Variants in NFAT5 observed in about 807,000 individuals in gnomAD.
NFAT5 encodes nuclear factor of activated T cells 5, also known as nuclear factor of activated T-cells 5.
Under a neutral mutation model 166.5 loss-of-function variants are expected in NFAT5, and 31 were observed. That is an observed-to-expected ratio of 0.19 (90% CI 0.14 to 0.25). The LOEUF (loss-of-function observed/expected upper bound fraction) is 0.25, where lower values mean the gene tolerates loss of function less well. NFAT5 is among the 10% of genes least tolerant of loss of function. The probability of loss-of-function intolerance (pLI) is 1.00; values close to 1 mark genes in which losing one functional copy is unlikely to be tolerated. For synonymous variants in NFAT5, 612 were observed against 639.7 expected (o/e 0.96, Z 0.65); for missense variants, 1,449 against 1,821.8 (o/e 0.80, Z 3.72).
At chr16:69,638,957 C>T (rs1411763667) in intron 3 of NFAT5, among the ~76,000 whole-genome samples, 1 of 152,052 alleles carries the variant, frequency 6.6e-6, no homozygotes, top group Non-Finnish European at 1.5e-5. Flanking sequence ...CTCTGTCTCT[C>T]TCTCTTTTTA....
chr16:69,655,048 C>T (rs892077235), intron 5 of NFAT5, among the ~76,000 whole-genome samples: 2 of 152,072 alleles, frequency 1.3e-5, no homozygotes, highest in East Asian at 1.9e-4. Flanking sequence ...CATAGATCCC[C>T]GTTTGAACTA....
chr16:69,586,109 TTGTG>T (rs1321995062), intron 2 of NFAT5, among the ~76,000 whole-genome samples: 2 of 152,164 alleles, frequency 1.3e-5, no homozygotes, highest in Non-Finnish European at 2.9e-5. Context: ...TGAGACATAA[TTGTG>T]TGGTATGTGG....
chr16:69,650,946 C>G (rs1243473897), intron 4 of NFAT5, among the ~76,000 whole-genome samples: 1 of 152,084 alleles, frequency 6.6e-6, no homozygotes, highest in Non-Finnish European at 1.5e-5. Flanking sequence ...GAATCTGTAC[C>G]CAGAATGATG....
At chr16:69,651,524 A>C (rs1244407926) in intron 4 of NFAT5, among the ~76,000 whole-genome samples, 2 of 152,152 alleles carry the variant, frequency 1.3e-5, no homozygotes, top group Non-Finnish European at 2.9e-5. Context: ...TTGAAGTCGT[A>C]ATATTCCTAC....
intron 3 of NFAT5, among the ~76,000 whole-genome samples, chr16:69,643,420 G>A (rs767741525): frequency 1.3e-5 from 2 of 150,010 alleles, no homozygotes; most frequent in Non-Finnish European, 3.0e-5. Context: ...ATTATTTTAT[G>A]TATTTATATT....
At chr16:69,645,229 A>G (rs138804741) in intron 3 of NFAT5, among the ~76,000 whole-genome samples, 1 of 152,356 alleles carries the variant, frequency 6.6e-6, no homozygotes, top group African/African-American at 2.4e-5. Flanking sequence ...ATTTACTAAG[A>G]AAACATTGCA....
At chr16:69,663,503 G>C (rs538273648) in intron 7 of NFAT5, among the ~76,000 whole-genome samples, 24 of 150,334 alleles carry the variant, frequency 1.6e-4, no homozygotes, top group Non-Finnish European at 3.4e-4. Flanking sequence ...GGGAGGCTGA[G>C]GAAGGAGAAT....
At chr16:69,659,178 A>G (rs1200327844) in intron 6 of NFAT5, among the ~76,000 whole-genome samples, 5 of 150,280 alleles carry the variant, frequency 3.3e-5, no homozygotes, top group African/African-American at 1.2e-4. Context: ...ATGGTTGCTC[A>G]TGCCTGTAAT....
chr16:69,596,301 T>C (rs2032785211), intron 2 of NFAT5, among the ~76,000 whole-genome samples: 1 of 152,220 alleles, frequency 6.6e-6, no homozygotes, highest in African/African-American at 2.4e-5. Flanking sequence ...GTATATTTAT[T>C]TCATTTAATG....
chr16:69,617,185 G>A (rs1180723092), intron 2 of NFAT5, among the ~76,000 whole-genome samples: 4 of 151,864 alleles, frequency 2.6e-5, no homozygotes, highest in Non-Finnish European at 4.4e-5. Context: ...CTTGTGATCC[G>A]CCCGCCTCGG....
At chr16:69,657,946 G>A (rs1295511756) in intron 6 of NFAT5, among the ~76,000 whole-genome samples, 2 of 150,292 alleles carry the variant, frequency 1.3e-5, no homozygotes, top group African/African-American at 2.4e-5. Flanking sequence ...TTAGCCAGGC[G>A]TGGTGGCGGG....
rs547516352 is a variant in NFAT5 at position 69,700,019 on chromosome 16, A to G, written c.*3668A>G. The G allele has an allele frequency of 4.6e-5, 7 of 152,298 alleles. No individual in the cohort carries two copies. Among genetic ancestry groups the G allele is most frequent in the African/African-American group, 1.7e-4 (7 of 41,558 alleles). 9.4% of individuals were successfully genotyped at this position (152,298 alleles called of 1,614,324 possible). The stretch of plus-strand genomic sequence containing the variant: ...CCAATGCAAATCTGTTTTAAAACAA[A>G]TAGTTTAAAAAAAGAACAAGTTTTT... On this transcript the variant is annotated 3_prime_UTR_variant, in exon 15 of 15. Coordinates refer to ENST00000349945, the MANE Select transcript of NFAT5 (RefSeq NM_138713.4).
At position 69,600,517 on chromosome 16, in the gene NFAT5, A is replaced by G. The variant is rs542143839; in HGVS notation, c.128-25886A>G. Reference sequence around the variant, plus strand: ...GGAGTTGAAAGGACAGGAATTATTAATAGAGGAAAGTTTTGGAGGAGCAGT... The same window carrying G: ...GGAGTTGAAAGGACAGGAATTATTAGTAGAGGAAAGTTTTGGAGGAGCAGT... On this transcript the variant is annotated intron_variant, in intron 2 of 14. Transcript: ENST00000349945. Among the ~76,000 whole-genome samples, 76 of 152,248 alleles carry G rather than the reference A, an allele frequency of 5.0e-4. 1 individual carries two copies. The highest frequency in any genetic ancestry group is 1.9e-3 in the South Asian group (9 of 4,822).
At position 69,566,204 on chromosome 16, in the gene NFAT5, G is replaced by A; in HGVS notation, c.-98G>A. The A allele has an allele frequency of 1.8e-6, 2 of 1,108,664 alleles. No individual in the cohort carries two copies. Among genetic ancestry groups the A allele is most frequent in the Non-Finnish European group, 2.6e-6 (2 of 773,430 alleles). The allele number at this position is 1,108,664 out of a possible 1,614,324, so 68.7% of individuals were successfully genotyped here. A position where few individuals can be genotyped will look rare whatever the true frequency, so the allele number is the denominator to read the frequency against. On this transcript the variant is annotated 5_prime_UTR_variant, in exon 1 of 15. Transcript: ENST00000349945. The surrounding 1 kb of genome is among the most constrained non-coding windows in gnomAD (Gnocchi z 5.7). Reference sequence around the variant, plus strand: ...CAGCGGCAGCCGCCCTCGCGTCGCCGCCCCCGGTTCGGTGCCCGCGGTCCC... The same window carrying A: ...CAGCGGCAGCCGCCCTCGCGTCGCCACCCCCGGTTCGGTGCCCGCGGTCCC...
intron 2 of NFAT5, among the ~76,000 whole-genome samples, chr16:69,573,282 T>C (rs1295966961): frequency 6.6e-6 from 1 of 152,188 alleles, no homozygotes. Flanking sequence ...CATCCAGAAT[T>C]ATACTTCATA....
intron 1 of NFAT5, among the ~76,000 whole-genome samples, chr16:69,567,091 G>T (rs1006361409): frequency 6.6e-5 from 10 of 152,062 alleles, no homozygotes; most frequent in African/African-American, 2.4e-4. Context: ...CAAAGATGGG[G>T]GTGCCCTCTC....
At position 69,702,713 on chromosome 16, in the gene NFAT5, A is replaced by G. The variant is rs866586157; in HGVS notation, c.*6362A>G. On this transcript the variant is annotated 3_prime_UTR_variant, in exon 15 of 15. Coordinates refer to ENST00000349945, the MANE Select transcript of NFAT5 (RefSeq NM_138713.4). ...ATGCACACTTTAAAGTTTAGGAACC[A>G]CTGGGCTAAGACTCTGTTGAGATAT... 1.1e-4 allele frequency: 17 copies of G among 152,642 alleles called. No individual in the cohort carries two copies. The highest frequency in any genetic ancestry group is 4.1e-4 in the African/African-American group (17 of 41,452). The allele number at this position is 152,642 out of a possible 1,614,324, so 9.5% of individuals were successfully genotyped here. A position where few individuals can be genotyped will look rare whatever the true frequency, so the allele number is the denominator to read the frequency against.
At chr16:69,598,084 A>C (rs2032908396) in intron 2 of NFAT5, among the ~76,000 whole-genome samples, 1 of 152,130 alleles carries the variant, frequency 6.6e-6, no homozygotes, top group Non-Finnish European at 1.5e-5. Flanking sequence ...TGTCATTGAT[A>C]TACTGAATAT....
chr16:69,689,057 T>G (rs1597562800), intron 11 of NFAT5, among the ~76,000 whole-genome samples: 1 of 152,188 alleles, frequency 6.6e-6, no homozygotes, highest in South Asian at 2.1e-4. Context: ...GAGGATCACT[T>G]GAGCTCAGGA....
Sources: gnomAD v4.1 joint callset for allele counts (sites outside exome capture counted in the v4.1 genomes callset) on GRCh38, gnomAD v4.1.1 for gene constraint, Gnocchi (gnomAD v3.1) non-coding constraint, MANE v1.5 for transcripts, NCBI Gene and HGNC (gene_info 2026-07-23, HGNC 2026-07-21) for gene names.